The following DIPK1C variants were observed in gnomAD, a reference collection of about 807,000 sequenced individuals.
The protein encoded by DIPK1C is divergent protein kinase domain 1C.
In DIPK1C, 33 loss-of-function variants were observed where a neutral mutation model predicts 28.0. The observed-to-expected ratio is 1.18, with a 90% confidence interval of 0.89 to 1.58. The LOEUF is 1.58. Among genes scored for constraint, DIPK1C ranks in the 40% most tolerant of loss-of-function variants. The probability of loss-of-function intolerance (pLI) is 0.00; values close to 1 mark genes in which losing one functional copy is unlikely to be tolerated. For missense variants in DIPK1C, 569 were observed against 568.5 expected, an observed-to-expected ratio of 1.00 and a Z score of -0.01; for synonymous variants, 255 against 248.8, an observed-to-expected ratio of 1.02 and a Z score of -0.23.
At chr18:74,455,750 A>G (rs1986497444) in intron 1 of DIPK1C, among the ~76,000 whole-genome samples, 1 of 150,388 alleles carries the variant, frequency 6.6e-6, no homozygotes, top group Non-Finnish European at 1.5e-5. Flanking sequence ...AAGAAAAAGA[A>G]AAAAAAAACC....
intron 1 of DIPK1C, among the ~76,000 whole-genome samples, chr18:74,453,628 CAG>C (rs1352686675): frequency 3.3e-5 from 5 of 152,208 alleles, no homozygotes; most frequent in Non-Finnish European, 7.3e-5. Context: ...TTCAGGACAA[CAG>C]AGTCTGTGGG....
chr18:74,457,548 C>A (rs1219574327), upstream of DIPK1C, among the ~76,000 whole-genome samples: 3 of 152,174 alleles, frequency 2.0e-5, no homozygotes, highest in African/African-American at 7.2e-5. Flanking sequence ...ACCAGCTCCC[C>A]ACTTAAACGA....
chr18:74,458,258 A>C (rs901406316), upstream of DIPK1C, among the ~76,000 whole-genome samples: 4 of 152,286 alleles, frequency 2.6e-5, no homozygotes, highest in East Asian at 5.8e-4. Flanking sequence ...GAAAGCCGCC[A>C]CGCCCGGGGC....
intron 1 of DIPK1C, among the ~76,000 whole-genome samples, chr18:74,451,547 C>T (rs763852450): frequency 2.0e-5 from 3 of 152,084 alleles, no homozygotes; most frequent in Non-Finnish European, 4.4e-5. Context: ...ATTTGGAGGG[C>T]GATTCCAAAC....
At position 74,457,080 on chromosome 18, in the gene DIPK1C, C is replaced by T; in HGVS notation, c.180G>A (p.Arg60=). 6.8e-7 allele frequency: 1 copy of T among 1,466,922 alleles called. No individual in the cohort carries two copies. The highest frequency in any genetic ancestry group is 8.9e-7 in the Non-Finnish European group (1 of 1,117,670). 90.9% of individuals were successfully genotyped at this position (1,466,922 alleles called of 1,614,324 possible). Residue 60 remains arginine (R), a synonymous_variant, in exon 1 of 4, where the codon CGG becomes CGA. Transcript: ENST00000343998. ...LSERCTDEKS[R]RILAALCQDY... ...GACCTACCAGCGCGGCCAGGATGCG[C>T]CGGCTCTTCTCGTCGGTGCAGCGCT...
intron 1 of DIPK1C, among the ~76,000 whole-genome samples, chr18:74,452,317 T>G (rs904640465): frequency 2.0e-5 from 3 of 152,168 alleles, no homozygotes; most frequent in African/African-American, 7.2e-5. Flanking sequence ...TCGTCTCCCA[T>G]GGCTTACCAG....
chr18:74,458,339 C>G (rs1260645108), upstream of DIPK1C, among the ~76,000 whole-genome samples: 1 of 152,240 alleles, frequency 6.6e-6, no homozygotes, highest in Admixed American at 6.5e-5. Context: ...CGCTCTCCCG[C>G]CTGCCCTGCG....
chr18:74,443,110 A>T (rs1434661287), intron 2 of DIPK1C, among the ~76,000 whole-genome samples: 1 of 152,230 alleles, frequency 6.6e-6, no homozygotes, highest in Non-Finnish European at 1.5e-5. Flanking sequence ...GCGACGCCTG[A>T]GTTCCACTGT....
At chr18:74,456,450 C>T (rs1161906550) in intron 1 of DIPK1C, among the ~76,000 whole-genome samples, 1 of 152,268 alleles carries the variant, frequency 6.6e-6, no homozygotes, top group East Asian at 1.9e-4. Context: ...CAGCCGCCTC[C>T]GCAGCGCTCT....
chr18:74,440,180 G>A (rs1986090232), intron 3 of DIPK1C, among the ~76,000 whole-genome samples: 1 of 152,142 alleles, frequency 6.6e-6, no homozygotes, highest in South Asian at 2.1e-4. Flanking sequence ...TCCTGACCTT[G>A]TGATCCACCC....
intron 3 of DIPK1C, among the ~76,000 whole-genome samples, chr18:74,440,018 C>T (rs897143157): frequency 1.3e-5 from 2 of 149,912 alleles, no homozygotes; most frequent in Non-Finnish European, 2.9e-5. Flanking sequence ...AATCTCGGCT[C>T]ACTGCAAGCT....
In DIPK1C at chr18:74,446,175, A is replaced by C. The variant is rs568657264; in HGVS notation, c.876+431T>G. Among the ~76,000 whole-genome samples, 8 of 152,368 alleles carry C rather than the reference A, an allele frequency of 5.3e-5. No homozygotes were observed. The East Asian group carries it at 1.5e-3, about 29-fold the overall frequency. ...GAAAAGTTACATGTTGTCACAGAGC[A>C]TGGGCAGCTTGAGAGCAGCCTCTCC... On this transcript the variant is annotated intron_variant, in intron 2 of 3. Coordinates refer to ENST00000343998, the MANE Select transcript of DIPK1C (RefSeq NM_001044369.3).
At chr18:74,454,113 T>C (rs965827847) in intron 1 of DIPK1C, among the ~76,000 whole-genome samples, 2 of 152,212 alleles carry the variant, frequency 1.3e-5, no homozygotes, top group African/African-American at 4.8e-5. Context: ...TCCAGAGATC[T>C]GAGTGCACCT....
At chr18:74,458,412 G>A (rs1163142818), upstream of DIPK1C, among the ~76,000 whole-genome samples, 1 of 152,030 alleles carries the variant, frequency 6.6e-6, no homozygotes, top group Admixed American at 6.6e-5. Context: ...TGATCACTGC[G>A]TGCTGTGATT....
upstream of DIPK1C, among the ~76,000 whole-genome samples, chr18:74,459,423 T>C (rs8086554): frequency 0.017 from 2,588 of 152,338 alleles, 81 homozygotes; most frequent in African/African-American, 0.059. Flanking sequence ...CTTTTCATAT[T>C]CAGCACTGTT....
At chr18:74,453,876 A>G (rs921614246) in intron 1 of DIPK1C, among the ~76,000 whole-genome samples, 5 of 152,040 alleles carry the variant, frequency 3.3e-5, no homozygotes, top group African/African-American at 1.2e-4. Context: ...AAAAGCAAAT[A>G]CTTCATAGAG....
At chr18:74,455,202 T>C (rs1023428998) in intron 1 of DIPK1C, among the ~76,000 whole-genome samples, 3 of 152,182 alleles carry the variant, frequency 2.0e-5, no homozygotes, top group Non-Finnish European at 4.4e-5. Context: ...GGGAAAGTCA[T>C]GATTAGCAAT....
chr18:74,455,134 A>C (rs1297482171), intron 1 of DIPK1C, among the ~76,000 whole-genome samples: 1 of 152,218 alleles, frequency 6.6e-6, no homozygotes, highest in Non-Finnish European at 1.5e-5. Context: ...GCTGCCATTG[A>C]AGATATATTG....
At position 74,436,832 on chromosome 18, in the gene DIPK1C, C is replaced by T. The variant is rs762428869; in HGVS notation, c.1042-113G>A. The T allele has an allele frequency of 1.8e-5, 18 of 1,002,088 alleles. No homozygotes were observed. In the South Asian group the frequency reaches 2.0e-4, roughly 11 times the overall value. 62.1% of individuals were successfully genotyped at this position (1,002,088 alleles called of 1,614,324 possible). A position where few individuals can be genotyped will look rare whatever the true frequency, so the allele number is the denominator to read the frequency against. ...TCAGCTTCTCTCCCACCCCCACCCC[C>T]GTCCTTCAGGGAGCACACTCCAGAG... On this transcript the variant is annotated intron_variant, in intron 3 of 3. Transcript: ENST00000343998.
Sources: gnomAD v4.1 joint callset for allele counts (sites outside exome capture counted in the v4.1 genomes callset) on GRCh38, gnomAD v4.1.1 for gene constraint, MANE v1.5 for transcripts, NCBI Gene and HGNC (gene_info 2026-07-23, HGNC 2026-07-21) for gene names.